TENM3: variants seen among roughly 807,000 people sequenced by gnomAD.
TENM3 encodes the protein teneurin-3.
Under a neutral mutation model 255.1 loss-of-function variants are expected in TENM3, and 63 were observed. That is an observed-to-expected ratio of 0.25 (90% confidence interval 0.20 to 0.30). The LOEUF (loss-of-function observed/expected upper bound fraction) is 0.30. Ranked by LOEUF, TENM3 falls within the 10% of genes least tolerant of loss-of-function variation. The pLI is 1.00. For synonymous variants in TENM3, 1,306 were observed against 1,322.3 expected, an observed-to-expected ratio of 0.99 and a Z score of 0.27; for missense variants, 2,929 against 3,461.1, an observed-to-expected ratio of 0.85 and a Z score of 3.86.
At chr4:182,797,174 T>G (rs1365797097) in intron 27 of TENM3, among the ~76,000 whole-genome samples, 1 of 152,154 alleles carries the variant, frequency 6.6e-6, no homozygotes, top group Non-Finnish European at 1.5e-5. Flanking sequence ...GTGAGGGGGC[T>G]CACGCCTGTA....
chr4:181,678,583 T>C, the TENM3 span, among the ~76,000 whole-genome samples: 1 of 152,114 alleles, frequency 6.6e-6, no homozygotes, highest in Non-Finnish European at 1.5e-5. Context: ...AGAAAATAGA[T>C]AGGCATAACT....
the TENM3 span, among the ~76,000 whole-genome samples, chr4:181,928,185 G>A: frequency 6.6e-5 from 10 of 152,052 alleles, no homozygotes; most frequent in African/African-American, 2.4e-4. Context: ...TGAGTTTGAT[G>A]AATTAACAGA....
chr4:182,725,058 G>GT (rs34100362), intron 13 of TENM3, among the ~76,000 whole-genome samples: 18,759 of 145,260 alleles, frequency 0.13, 1,386 homozygotes, highest in South Asian at 0.19. Context: ...GTTGTTTTGG[G>GT]TTTTTTTTTT....
At chr4:182,490,861 C>T (rs973292442) in intron 3 of TENM3, among the ~76,000 whole-genome samples, 28 of 152,260 alleles carry the variant, frequency 1.8e-4, no homozygotes, top group South Asian at 4.1e-4. Flanking sequence ...CTCTCCCAGC[C>T]GCTGCAGTTG....
the TENM3 span, among the ~76,000 whole-genome samples, chr4:181,940,773 A>G: frequency 2.0e-5 from 3 of 152,180 alleles, no homozygotes; most frequent in East Asian, 1.9e-4. Flanking sequence ...GACATGGCAT[A>G]TCTCTTCTTC....
chr4:181,940,385 T>G, the TENM3 span, among the ~76,000 whole-genome samples: 1 of 152,208 alleles, frequency 6.6e-6, no homozygotes, highest in Non-Finnish European at 1.5e-5. Context: ...TTCGCCAGAA[T>G]CACTGATTCA....
intron 4 of TENM3, among the ~76,000 whole-genome samples, chr4:182,603,590 T>C (rs1748108322): frequency 6.6e-6 from 1 of 152,052 alleles, no homozygotes; most frequent in Non-Finnish European, 1.5e-5. Flanking sequence ...TGGTTGGAAC[T>C]CTGGAGGTGA....
At chr4:182,508,062 G>C (rs1198138447) in intron 3 of TENM3, among the ~76,000 whole-genome samples, 2 of 152,144 alleles carry the variant, frequency 1.3e-5, no homozygotes, top group Non-Finnish European at 2.9e-5. Context: ...TAACTGGGTG[G>C]ACTGAAACAG....
At position 182,601,211 on chromosome 4, in the gene TENM3, G is replaced by A. The variant is rs1297667739; in HGVS notation, c.749+50G>A. 4.1e-6 allele frequency: 6 copies of A among 1,451,896 alleles called. No homozygotes were observed. In the African/African-American group the frequency reaches 4.2e-5, roughly 10 times the overall value. The allele number at this position is 1,451,896 out of a possible 1,614,324, so 89.9% of individuals were successfully genotyped here. A position where few individuals can be genotyped will look rare whatever the true frequency, so the allele number is the denominator to read the frequency against. ...GCTAGCCCAACCCTTTTCTCACCAG[G>A]AGCAATTTACTATACTTACATATTC... On this transcript the variant is annotated intron_variant, in intron 4 of 27. Coordinates refer to ENST00000511685, the MANE Select transcript of TENM3 (RefSeq NM_001080477.4).
intron 1 of TENM3, among the ~76,000 whole-genome samples, chr4:182,252,919 C>G (rs1758120452): frequency 6.6e-6 from 1 of 152,072 alleles, no homozygotes; most frequent in South Asian, 2.1e-4. Flanking sequence ...AAGAATCGGC[C>G]CAAAGTCACA....
At chr4:182,580,327 G>T (rs1180788645) in intron 3 of TENM3, among the ~76,000 whole-genome samples, 1 of 149,622 alleles carries the variant, frequency 6.7e-6, no homozygotes, top group Non-Finnish European at 1.5e-5. Flanking sequence ...TGCACTTAGA[G>T]GGGGGCACTC....
the TENM3 span, chr4:181,876,932 A>G: frequency 6.6e-6 from 1 of 152,166 alleles, no homozygotes; most frequent in Non-Finnish European, 1.5e-5. Flanking sequence ...GAAAAGAAAA[A>G]TAAAGAAATA....
At chr4:181,794,360 G>A in the TENM3 span, among the ~76,000 whole-genome samples, 1 of 151,938 alleles carries the variant, frequency 6.6e-6, no homozygotes, top group Non-Finnish European at 1.5e-5. Flanking sequence ...ATTAACTGTA[G>A]TCACCACGCT....
At chr4:182,624,396 C>T (rs888610055) in intron 4 of TENM3, among the ~76,000 whole-genome samples, 5 of 152,270 alleles carry the variant, frequency 3.3e-5, no homozygotes, top group South Asian at 2.1e-4. Context: ...TTTCTCTACA[C>T]GCAGCTTTGC....
At chr4:181,701,963 G>T in the TENM3 span, among the ~76,000 whole-genome samples, 2 of 152,176 alleles carry the variant, frequency 1.3e-5, no homozygotes, top group Non-Finnish European at 2.9e-5. Flanking sequence ...TGTCCAGTTT[G>T]CCATTAGCAC....
chr4:182,339,878 G>A (rs2150609763), intron 2 of TENM3, among the ~76,000 whole-genome samples: 1 of 151,578 alleles, frequency 6.6e-6, no homozygotes, highest in Admixed American at 6.6e-5. Flanking sequence ...GTAAACATAA[G>A]AAGCAAATTT....
chr4:182,656,949 C>T lies in TENM3; in HGVS notation c.1111+3056C>T, dbSNP rs188166271. On this transcript the variant is annotated intron_variant, in intron 6 of 27. Coordinates refer to ENST00000511685, the MANE Select transcript of TENM3 (RefSeq NM_001080477.4). ...GATTTTAGAGATGAGTTATCAGAAG[C>T]GTAGGGTCTTAGACAAAACTGATGG... Among the ~76,000 whole-genome samples, 241 of 152,182 alleles carry T rather than the reference C, an allele frequency of 1.6e-3. 3 individuals carry two copies. The highest frequency in any genetic ancestry group is 2.4e-3 in the African/African-American group (98 of 41,496).
the TENM3 span, among the ~76,000 whole-genome samples, chr4:181,737,050 G>T: frequency 6.6e-6 from 1 of 152,066 alleles, no homozygotes. Context: ...TGAAACAAGG[G>T]CTGGGGAGGT....
At chr4:182,447,357 C>G (rs1487667578) in intron 3 of TENM3, among the ~76,000 whole-genome samples, 2 of 151,464 alleles carry the variant, frequency 1.3e-5, no homozygotes, top group Non-Finnish European at 2.9e-5. Flanking sequence ...ATGTCTTAGA[C>G]GTAATGGAAA....
Sources: allele counts gnomAD v4.1 joint callset (sites outside exome capture counted in the v4.1 genomes callset), GRCh38; gene constraint gnomAD v4.1.1; transcripts MANE v1.5; gene names NCBI Gene and HGNC (gene_info 2026-07-23, HGNC 2026-07-21).